DLC1: variants seen among roughly 807,000 people sequenced by gnomAD.
DLC1 encodes rho GTPase-activating protein 7.
DLC1 carries 54 observed loss-of-function variants against 140.3 expected under a neutral mutation model. That is an observed-to-expected ratio of 0.38 (90% CI 0.31 to 0.48). DLC1 has a LOEUF of 0.48. DLC1 is among the 20% of genes least tolerant of loss of function. The pLI is 0.96. For synonymous variants in DLC1, 986 were observed against 728.1 expected (o/e 1.35, Z -5.70); for missense variants, 2,536 against 1,907.0 (o/e 1.33, Z -6.14).
At chr8:13,128,824 G>C (rs1304478969) in intron 5 of DLC1, among the ~76,000 whole-genome samples, 2 of 146,520 alleles carry the variant, frequency 1.4e-5, no homozygotes, top group African/African-American at 2.6e-5. Context: ...GACAGAGAGA[G>C]ACTCCGTCTC....
At chr8:13,131,344 AG>A (rs1402899929) in intron 5 of DLC1, among the ~76,000 whole-genome samples, 5 of 152,024 alleles carry the variant, frequency 3.3e-5, no homozygotes, top group Admixed American at 3.3e-4. Flanking sequence ...AGAATTTTGG[AG>A]GAAAAAAAAA....
At chr8:13,166,537 C>T (rs995242046) in intron 5 of DLC1, among the ~76,000 whole-genome samples, 32 of 152,122 alleles carry the variant, frequency 2.1e-4, no homozygotes, top group African/African-American at 7.0e-4. Flanking sequence ...GATGGGGTTT[C>T]ACCATGTTGG....
chr8:13,518,524 G>C (rs548651112), upstream of DLC1, among the ~76,000 whole-genome samples: 17 of 152,270 alleles, frequency 1.1e-4, no homozygotes, highest in South Asian at 3.5e-3. Context: ...CTTCTGTACA[G>C]AATTATTCAG....
At chr8:13,130,112 A>G (rs1585718123) in intron 5 of DLC1, among the ~76,000 whole-genome samples, 1 of 152,100 alleles carries the variant, frequency 6.6e-6, no homozygotes. Flanking sequence ...ATATTTTCCA[A>G]TTGCATATTT....
chr8:13,385,307 A>T (rs1047898603), intron 4 of DLC1, among the ~76,000 whole-genome samples: 1 of 152,344 alleles, frequency 6.6e-6, no homozygotes, highest in African/African-American at 2.4e-5. Context: ...TACAGTAAAG[A>T]GGAAACAATT....
chr8:13,088,489 T>C lies in DLC1; in HGVS notation c.4290A>G (p.Leu1430=). The change falls in exon 16 of 18, where the codon TTA becomes TTG. Residue 1430 remains leucine, a splice_region_variant and synonymous_variant. Coordinates refer to ENST00000276297, the MANE Select transcript of DLC1 (RefSeq NM_182643.3). ...AAAAACAACTGGGAAGCGCTCACCT[T>C]AAAACAACGTAGTCTCGAGCAGGAT... is the stretch of plus-strand genomic sequence containing the variant. The part of the protein sequence containing the change: ...APHPARDYVV[L]RTWRTNLPKG... 6.2e-7 allele frequency: 1 copy of C among 1,614,216 alleles called. No individual in the cohort carries two copies. The highest frequency in any genetic ancestry group is 8.5e-7 in the Non-Finnish European group (1 of 1,180,034).
intron 5 of DLC1, among the ~76,000 whole-genome samples, chr8:13,178,362 A>ACCATCCT (rs1431810317): frequency 6.6e-6 from 1 of 152,008 alleles, no homozygotes; most frequent in Non-Finnish European, 1.5e-5. Flanking sequence ...GGAGATCAAG[A>ACCATCCT]CCATCCTGGC....
chr8:13,392,717 T>C (rs530701449), intron 4 of DLC1, among the ~76,000 whole-genome samples: 1 of 152,366 alleles, frequency 6.6e-6, no homozygotes, highest in South Asian at 2.1e-4. Context: ...ACTATTTTCC[T>C]GTTGCAGTTC....
intron 5 of DLC1, among the ~76,000 whole-genome samples, chr8:13,140,946 A>G (rs542837603): frequency 1.3e-5 from 2 of 152,210 alleles, no homozygotes; most frequent in Admixed American, 1.3e-4. Context: ...CCTTGCTTAG[A>G]GTGAGGCCTC....
At chr8:13,435,409 G>A (rs1352495329) in intron 2 of DLC1, among the ~76,000 whole-genome samples, 1 of 152,156 alleles carries the variant, frequency 6.6e-6, no homozygotes, top group Non-Finnish European at 1.5e-5. Flanking sequence ...CACCTCCCGG[G>A]TTCAAGCAAT....
chr8:13,139,164 C>T (rs1200863366), intron 5 of DLC1, among the ~76,000 whole-genome samples: 1 of 151,428 alleles, frequency 6.6e-6, no homozygotes, highest in Non-Finnish European at 1.5e-5. Flanking sequence ...ATGCTGCTCG[C>T]CTGTGTTCCC....
Position 13,100,510 on chromosome 8 carries a change from G to T in DLC1, c.1827C>A (p.Pro609=). Reference sequence around the variant, plus strand: ...TCCGGGGGGTGGCAGCATCCTCGCTGGGGGGCGCGTGGCTGGGGAGGCTGC... The same window carrying T: ...TCCGGGGGGTGGCAGCATCCTCGCTTGGGGGCGCGTGGCTGGGGAGGCTGC... ...STGSLPSHAP[P]SEDAATPRTN... is the part of the protein sequence containing the mutation. The change falls in exon 9 of 18, where the codon CCC becomes CCA. Residue 609 remains proline, a synonymous_variant. Coordinates refer to ENST00000276297, the MANE Select transcript of DLC1 (RefSeq NM_182643.3). 6.2e-7 allele frequency: 1 copy of T among 1,612,364 alleles called. No individual in the cohort carries two copies. The highest frequency in any genetic ancestry group is 1.1e-5 in the South Asian group (1 of 91,074).
chr8:13,394,688 A>G (rs67840191), intron 3 of DLC1, among the ~76,000 whole-genome samples: 22,396 of 152,120 alleles, frequency 0.15, 1,831 homozygotes, highest in Non-Finnish European at 0.19. Context: ...CACATGGTCA[A>G]ATATCATGTC....
intron 5 of DLC1, among the ~76,000 whole-genome samples, chr8:13,149,214 A>T (rs569183502): frequency 6.6e-6 from 1 of 152,100 alleles, no homozygotes. Flanking sequence ...AAACTCCTCC[A>T]TTTGCCCTTC....
chr8:13,208,316 T>A (rs550811006), intron 5 of DLC1, among the ~76,000 whole-genome samples: 2 of 152,328 alleles, frequency 1.3e-5, no homozygotes, highest in East Asian at 3.9e-4. Flanking sequence ...TTATTACCTA[T>A]CAGTTTCTAG....
At chr8:13,382,492 C>T (rs1836315771) in intron 4 of DLC1, among the ~76,000 whole-genome samples, 1 of 99,526 alleles carries the variant, frequency 1.0e-5, no homozygotes, top group African/African-American at 4.0e-5. Flanking sequence ...TGGGCGACAG[C>T]GAGACTCCGT....
intron 6 of DLC1, 118 bp from the exon 7 acceptor site, chr8:13,110,941 GACACCTCA>G (rs1820053457): frequency 1.2e-6 from 1 of 832,928 alleles, no homozygotes; most frequent in South Asian, 1.6e-5. Context: ...CCTACTGTAG[GACACCTCA>G]TTCCCCGTCA....
chr8:13,566,096 GAC>G (rs752271841), intron 1 of DLC1, among the ~76,000 whole-genome samples: 38 of 152,040 alleles, frequency 2.5e-4, no homozygotes, highest in Non-Finnish European at 4.4e-4. Context: ...CGGCAACACC[GAC>G]ATGATTTCTG....
intron 5 of DLC1, among the ~76,000 whole-genome samples, chr8:13,157,188 C>CT (rs1476748850): frequency 6.6e-6 from 1 of 152,180 alleles, no homozygotes; most frequent in African/African-American, 2.4e-5. Flanking sequence ...CCCAGTGAAA[C>CT]TATCTTTTTC....
Sources: allele counts gnomAD v4.1 joint callset (sites outside exome capture counted in the v4.1 genomes callset), GRCh38; gene constraint gnomAD v4.1.1; transcripts MANE v1.5; gene names NCBI Gene and HGNC (gene_info 2026-07-23, HGNC 2026-07-21).